QKI: variants seen among roughly 807,000 people sequenced by gnomAD.
QKI encodes the protein QKI, KH domain containing RNA binding, also known as KH domain-containing RNA-binding protein QKI.
QKI carries 10 observed loss-of-function variants against 39.0 expected under a neutral mutation model. The observed-to-expected ratio is 0.26, with a 90% confidence interval of 0.16 to 0.43. The LOEUF (loss-of-function observed/expected upper bound fraction) is 0.43, where lower values mean the gene tolerates loss of function less well. QKI is among the 20% of genes least tolerant of loss of function. The probability of loss-of-function intolerance (pLI) is 1.00; values close to 1 mark genes in which losing one functional copy is unlikely to be tolerated. For synonymous variants in QKI, 204 were observed against 155.4 expected (o/e 1.31, Z -2.33); for missense variants, 218 against 428.0 (o/e 0.51, Z 4.33).
chr6:163,487,258 C>T (rs1038960850), intron 3 of QKI, among the ~76,000 whole-genome samples: 1 of 152,028 alleles, frequency 6.6e-6, no homozygotes, highest in African/African-American at 2.4e-5. Context: ...CTAATTTACC[C>T]ATCACCCAGG....
intron 2 of QKI, among the ~76,000 whole-genome samples, chr6:163,473,822 A>T (rs1390951409): frequency 1.3e-5 from 2 of 152,184 alleles, no homozygotes; most frequent in African/African-American, 4.8e-5. Context: ...ATACATTCCA[A>T]CATGTTTTGC....
intron 3 of QKI, among the ~76,000 whole-genome samples, chr6:163,507,079 C>T (rs746501661): frequency 1.6e-4 from 24 of 152,144 alleles, no homozygotes; most frequent in Non-Finnish European, 2.9e-4. Flanking sequence ...AAGCCAGTCT[C>T]ACAAGAGTAA....
chr6:163,546,969 A>C (rs1781919445), intron 4 of QKI, among the ~76,000 whole-genome samples: 1 of 152,084 alleles, frequency 6.6e-6, no homozygotes, highest in South Asian at 2.1e-4. Flanking sequence ...TGTATAAATA[A>C]AATATAAGAG....
intron 3 of QKI, among the ~76,000 whole-genome samples, chr6:163,523,216 ACT>A (rs1475897213): frequency 1.3e-5 from 2 of 152,038 alleles, no homozygotes; most frequent in African/African-American, 4.8e-5. Flanking sequence ...CAGGTAAAAT[ACT>A]CTCTTTCAGT....
intron 2 of QKI, among the ~76,000 whole-genome samples, chr6:163,464,478 A>G (rs924874192): frequency 6.6e-6 from 1 of 152,038 alleles, no homozygotes; most frequent in Non-Finnish European, 1.5e-5. Flanking sequence ...TAACCAAGAG[A>G]AAAAAAAGTC....
At chr6:163,500,154 C>G (rs1778669651) in intron 3 of QKI, among the ~76,000 whole-genome samples, 1 of 152,072 alleles carries the variant, frequency 6.6e-6, no homozygotes, top group Admixed American at 6.6e-5. Flanking sequence ...CGTTTATGTC[C>G]CTGTTCATAT....
At chr6:163,516,092 A>G (rs1779777312) in intron 3 of QKI, among the ~76,000 whole-genome samples, 1 of 152,120 alleles carries the variant, frequency 6.6e-6, no homozygotes, top group Admixed American at 6.5e-5. Flanking sequence ...GTTAAGGTAA[A>G]TTAAGATTAA....
At chr6:163,419,184 T>TATATGAGTAA (rs1787789248) in intron 1 of QKI, among the ~76,000 whole-genome samples, 1 of 152,170 alleles carries the variant, frequency 6.6e-6, no homozygotes, top group African/African-American at 2.4e-5. Context: ...CTCCTTTAAA[T>TATATGAGTAA]ATATGAGTAA....
chr6:163,511,763 C>G (rs1779494068), intron 3 of QKI, among the ~76,000 whole-genome samples: 1 of 150,588 alleles, frequency 6.6e-6, no homozygotes, highest in Non-Finnish European at 1.5e-5. Flanking sequence ...TATCAAACTT[C>G]AAGAAAGAAA....
intron 1 of QKI, among the ~76,000 whole-genome samples, chr6:163,450,353 C>T (rs559664317): frequency 2.0e-5 from 3 of 152,256 alleles, no homozygotes; most frequent in East Asian, 1.9e-4. Context: ...CCACCACAAC[C>T]GGCCCAGTAA....
At chr6:163,492,222 G>A (rs1037827487) in intron 3 of QKI, among the ~76,000 whole-genome samples, 3 of 152,082 alleles carry the variant, frequency 2.0e-5, no homozygotes, top group African/African-American at 7.2e-5. Context: ...TTATTAGGCC[G>A]TTTCATAAGC....
intron 4 of QKI, among the ~76,000 whole-genome samples, chr6:163,559,498 C>T (rs922893026): frequency 2.6e-5 from 4 of 152,004 alleles, no homozygotes; most frequent in East Asian, 1.9e-4. Flanking sequence ...TTACTTATTT[C>T]GTTTTTAACA....
chr6:163,446,329 A>G (rs948386449), intron 1 of QKI, among the ~76,000 whole-genome samples: 1 of 152,216 alleles, frequency 6.6e-6, no homozygotes, highest in African/African-American at 2.4e-5. Flanking sequence ...ATTTTCTTCT[A>G]TCCCTGTTAT....
chr6:163,423,678 A>C (rs918353601), intron 1 of QKI: 5 of 152,232 alleles, frequency 3.3e-5, no homozygotes, highest in African/African-American at 1.2e-4. Context: ...TAGAACTAGA[A>C]TTTATTTTTA....
At position 163,442,205 on chromosome 6, in the gene QKI, T is replaced by C. The variant is rs73787645; in HGVS notation, c.143-13074T>C. Reference sequence around the variant, plus strand: ...ATTGCAAAAGTATAAAACTGACCTTTTCAGTAATTTGTTTAGTTGGAAAAT... The same window carrying C: ...ATTGCAAAAGTATAAAACTGACCTTCTCAGTAATTTGTTTAGTTGGAAAAT... On this transcript the variant is annotated intron_variant, in intron 1 of 7. Transcript: ENST00000361752. Among the ~76,000 whole-genome samples the C allele has an allele frequency of 8.3e-3, 1,268 of 152,308 alleles. 21 individuals are homozygous for C. The highest frequency in any genetic ancestry group is 0.029 in the African/African-American group (1,219 of 41,570).
At chr6:163,540,710 G>A (rs905002232) in intron 4 of QKI, among the ~76,000 whole-genome samples, 4 of 152,068 alleles carry the variant, frequency 2.6e-5, no homozygotes, top group Non-Finnish European at 5.9e-5. Flanking sequence ...TGTTTACTCT[G>A]AAAATGACAC....
chr6:163,426,027 T>C (rs1788376003), intron 1 of QKI, among the ~76,000 whole-genome samples: 1 of 152,212 alleles, frequency 6.6e-6, no homozygotes, highest in Admixed American at 6.5e-5. Flanking sequence ...GAGAGATACA[T>C]ATTTGTGTAT....
At chr6:163,506,168 A>G (rs531223243) in intron 3 of QKI, among the ~76,000 whole-genome samples, 1 of 151,866 alleles carries the variant, frequency 6.6e-6, no homozygotes, top group Admixed American at 6.6e-5. Flanking sequence ...TGAGTCAATT[A>G]AACTACTTTT....
Position 163,576,512 on chromosome 6 carries a change from A to G in QKI, c.*5802A>G, listed in dbSNP as rs950324918. ...CTATTAAGTTTTTATTACCAAATAT[A>G]TCTTTTATGGTTTATATTGTAGTGG... On this transcript the variant is annotated 3_prime_UTR_variant, in exon 8 of 8. Transcript: ENST00000361752. 5.7e-4 allele frequency: 87 copies of G among 152,176 alleles called. No homozygotes were observed. The highest frequency in any genetic ancestry group is 2.0e-3 in the African/African-American group (84 of 41,486). The allele number at this position is 152,176 out of a possible 1,614,324, so 9.4% of individuals were successfully genotyped here.
Sources: allele counts gnomAD v4.1 joint callset (sites outside exome capture counted in the v4.1 genomes callset), GRCh38; gene constraint gnomAD v4.1.1; transcripts MANE v1.5; gene names NCBI Gene and HGNC (gene_info 2026-07-23, HGNC 2026-07-21).